The following CTBS variants were observed in gnomAD, a reference collection of about 807,000 sequenced individuals.
CTBS encodes the protein chitobiase, also known as di-N-acetylchitobiase.
CTBS carries 35 observed loss-of-function variants against 44.3 expected under a neutral mutation model. The ratio of observed to expected loss-of-function variants is 0.79; its 90% CI spans 0.60 to 1.05. CTBS has a LOEUF of 1.05. CTBS is among the 50% of genes least tolerant of loss of function. CTBS has a pLI of 0.00. For synonymous variants in CTBS, 143 were observed against 168.0 expected (o/e 0.85, Z 1.15); for missense variants, 458 against 475.3 (o/e 0.96, Z 0.34).
Position 84,550,535 on chromosome 1 carries a change from T to C in CTBS, c.*4464A>G, listed in dbSNP as rs1684238908. 1 of 1,514,998 alleles carries C rather than the reference T, an allele frequency of 6.6e-7. No individual in the cohort carries two copies. Among genetic ancestry groups the C allele is most frequent in the Non-Finnish European group, 8.9e-7 (1 of 1,129,626 alleles). The allele number at this position is 1,514,998 out of a possible 1,614,324, so 93.8% of individuals were successfully genotyped here. On this transcript the variant is annotated 3_prime_UTR_variant, in exon 7 of 7. Transcript: ENST00000370630. ...AAACTCATAGTAGAAGTTAAGGTAATTTACATTTTTCCTAATCAGATTATT... is the reference window on the plus strand; with the variant it reads ...AAACTCATAGTAGAAGTTAAGGTAACTTACATTTTTCCTAATCAGATTATT...
At chr1:84,562,573 G>A (rs1684615335) in intron 6 of CTBS, among the ~76,000 whole-genome samples, 1 of 151,994 alleles carries the variant, frequency 6.6e-6, no homozygotes, top group Non-Finnish European at 1.5e-5. Context: ...AATTCAAAGA[G>A]GATTTGTACT....
intron 1 of CTBS, among the ~76,000 whole-genome samples, 178 bp from the exon 2 acceptor site, chr1:84,570,898 A>C (rs1462812995): frequency 6.6e-6 from 1 of 152,204 alleles, no homozygotes; most frequent in Non-Finnish European, 1.5e-5. Flanking sequence ...CAGGCTGGGA[A>C]AGAGGGGAAG....
At chr1:84,558,450 C>T (rs1449340685) in intron 6 of CTBS, among the ~76,000 whole-genome samples, 2 of 151,438 alleles carry the variant, frequency 1.3e-5, no homozygotes, top group African/African-American at 2.4e-5. Flanking sequence ...CCACTACGCC[C>T]GGCTAATTTT....
Position 84,551,373 on chromosome 1 carries a change from A to C in CTBS, c.*3626T>G. On this transcript the variant is annotated 3_prime_UTR_variant, in exon 7 of 7. Transcript: ENST00000370630. ...TCCTCGGTTTCAGATAAAAATAAAA[A>C]TAAATAAAATTTAAAAATAAAAAAA... 1.3e-6 allele frequency: 1 copy of C among 754,894 alleles called. No homozygotes were observed. 46.8% of individuals were successfully genotyped at this position (754,894 alleles called of 1,614,324 possible). A position where few individuals can be genotyped will look rare whatever the true frequency, so the allele number is the denominator to read the frequency against.
intron 6 of CTBS, among the ~76,000 whole-genome samples, chr1:84,559,852 A>C (rs1447742067): frequency 6.6e-6 from 1 of 152,126 alleles, no homozygotes; most frequent in Non-Finnish European, 1.5e-5. Flanking sequence ...TGGGAGGCCA[A>C]GGTAGGCGGA....
Position 84,550,160 on chromosome 1 carries a change from ATAAC to A in CTBS, c.*4835_*4838del, listed in dbSNP as rs1486199948. The A allele has an allele frequency of 4.7e-6, 1 of 214,508 alleles. No individual in the cohort carries two copies. The highest frequency in any genetic ancestry group is 2.3e-5 in the African/African-American group (1 of 43,668). The allele number at this position is 214,508 out of a possible 1,614,324, so 13.3% of individuals were successfully genotyped here. On this transcript the variant is annotated 3_prime_UTR_variant, in exon 7 of 7. Transcript: ENST00000370630. ...TTATGACAATTTTAAAGTCTTGCTA[ATAAC>A]TAAGATATTATTCCTTTCATAGTAA...
At position 84,550,289 on chromosome 1, in the gene CTBS, G is replaced by A. The variant is rs1009022302; in HGVS notation, c.*4710C>T. ...AGAAACAAATAGTAATTTCTCCAAA[G>A]CAATTTAGTTTACTTTACGGAATAG... On this transcript the variant is annotated 3_prime_UTR_variant, in exon 7 of 7. Transcript: ENST00000370630. 2 of 414,996 alleles carry A rather than the reference G, an allele frequency of 4.8e-6. No individual in the cohort carries two copies. Among genetic ancestry groups the A allele is most frequent in the Admixed American group, 4.5e-5 (1 of 22,240 alleles). 25.7% of individuals were successfully genotyped at this position (414,996 alleles called of 1,614,324 possible).
In CTBS at chr1:84,564,581, C is replaced by T. The variant is rs528141282; in HGVS notation, c.698-749G>A. On this transcript the variant is annotated intron_variant, in intron 4 of 6. Transcript: ENST00000370630. ...TATGATACAAAGTATCCCTATGTTG[C>T]TCAGGCTGGCTTGAACTTCGGCCTC... Among the ~76,000 whole-genome samples the T allele has an allele frequency of 3.8e-4, 58 of 152,282 alleles. 2 individuals carry two copies. The South Asian group carries it at 0.012, about 31-fold the overall frequency.
chr1:84,563,557 T>A (rs1684633888), intron 5 of CTBS, 139 bp from the exon 6 acceptor site: 4 of 694,300 alleles, frequency 5.8e-6, no homozygotes, highest in Non-Finnish European at 6.4e-6. Context: ...TTAAAATAAA[T>A]TTCATTATTA....
Position 84,570,576 on chromosome 1 carries a change from A to G in CTBS, c.316+6T>C, listed in dbSNP as rs1284266539. 1 of 1,605,844 alleles carries G rather than the reference A, an allele frequency of 6.2e-7. No individual in the cohort carries two copies. The highest frequency in any genetic ancestry group is 8.5e-7 in the Non-Finnish European group (1 of 1,175,326). ...TGCTGCACACATAGATCTGGAAACA[A>G]CATACCTTTAAGTACTACTCTGGCT... On this transcript the variant is annotated splice_donor_region_variant and intron_variant, in intron 2 of 6. Coordinates refer to ENST00000370630, the MANE Select transcript of CTBS (RefSeq NM_004388.3).
intron 3 of CTBS, among the ~76,000 whole-genome samples, chr1:84,568,625 T>C (rs947409625): frequency 2.6e-5 from 4 of 152,198 alleles, no homozygotes; most frequent in African/African-American, 9.6e-5. Context: ...CTCAGTGATA[T>C]GGTTTGGATC....
intron 4 of CTBS, among the ~76,000 whole-genome samples, chr1:84,564,330 A>C (rs908167076): frequency 1.3e-5 from 2 of 152,242 alleles, no homozygotes; most frequent in African/African-American, 4.8e-5. Flanking sequence ...ACAAAGAGAA[A>C]AATGAACAAA....
chr1:84,571,263 T>C (rs1379965110), intron 1 of CTBS, among the ~76,000 whole-genome samples: 1 of 152,200 alleles, frequency 6.6e-6, no homozygotes, highest in African/African-American at 2.4e-5. Flanking sequence ...TAAGAGATGA[T>C]GGTGACCTCA....
Position 84,552,785 on chromosome 1 carries a change from T to C in CTBS, c.*2214A>G, listed in dbSNP as rs1294088946. On this transcript the variant is annotated 3_prime_UTR_variant, in exon 7 of 7. Transcript: ENST00000370630. ...CACTCTAGTTTTTAGAACAGTTCAA[T>C]TGTATTGTCCCTATCTACTCATAAA... The C allele has an allele frequency of 6.8e-6, 2 of 296,084 alleles. No homozygotes were observed. The highest frequency in any genetic ancestry group is 1.2e-5 in the Non-Finnish European group (2 of 160,482). The allele number at this position is 296,084 out of a possible 1,614,324, so 18.3% of individuals were successfully genotyped here. A position where few individuals can be genotyped will look rare whatever the true frequency, so the allele number is the denominator to read the frequency against.
chr1:84,558,164 C>A (rs1041177140), intron 6 of CTBS, among the ~76,000 whole-genome samples: 3 of 151,970 alleles, frequency 2.0e-5, no homozygotes, highest in Non-Finnish European at 4.4e-5. Flanking sequence ...GTGTTCTTAC[C>A]ATTTAAAAAA....
At chr1:84,562,762 G>A (rs983490611) in intron 6 of CTBS, among the ~76,000 whole-genome samples, 1 of 151,994 alleles carries the variant, frequency 6.6e-6, no homozygotes, top group Admixed American at 6.6e-5. Flanking sequence ...TTTTGACATT[G>A]CTTTATAATT....
chr1:84,569,735 G>A (rs1378785107), intron 3 of CTBS, among the ~76,000 whole-genome samples, 196 bp downstream of exon 3: 2 of 152,156 alleles, frequency 1.3e-5, no homozygotes, highest in South Asian at 2.1e-4. Flanking sequence ...ATTTTGCTGT[G>A]AATAGAGAAT....
intron 6 of CTBS, among the ~76,000 whole-genome samples, chr1:84,557,404 A>C (rs1023041833): frequency 1.3e-5 from 2 of 151,838 alleles, no homozygotes; most frequent in African/African-American, 4.8e-5. Context: ...GTGGTGATGC[A>C]TGCCTGTAAT....
Position 84,550,611 on chromosome 1 carries a change from AATAAT to A in CTBS, c.*4383_*4387del. 7.2e-7 allele frequency: 1 copy of A among 1,384,238 alleles called. No homozygotes were observed. Among genetic ancestry groups the A allele is most frequent in the Admixed American group, 2.8e-5 (1 of 35,510 alleles). The allele number at this position is 1,384,238 out of a possible 1,614,324, so 85.7% of individuals were successfully genotyped here. ...TTTTGGTGTTTTAACTTTGGGTGTC[AATAAT>A]ATAAGGGTAGCCAGGATTGACTGTA... On this transcript the variant is annotated 3_prime_UTR_variant, in exon 7 of 7. Transcript: ENST00000370630.
Sources: allele counts gnomAD v4.1 joint callset (sites outside exome capture counted in the v4.1 genomes callset), GRCh38; gene constraint gnomAD v4.1.1; transcripts MANE v1.5; gene names NCBI Gene and HGNC (gene_info 2026-07-23, HGNC 2026-07-21).